DPP8: variants seen among roughly 807,000 people sequenced by gnomAD.
DPP8 encodes DPP VIII.
Under a neutral mutation model 107.5 loss-of-function variants are expected in DPP8, and 31 were observed. That is an observed-to-expected ratio of 0.29 (90% confidence interval 0.22 to 0.39). The LOEUF is 0.39. DPP8 is among the 10% of genes least tolerant of loss of function. DPP8 has a pLI of 1.00. For synonymous variants in DPP8, 381 were observed against 356.6 expected, an observed-to-expected ratio of 1.07 and a Z score of -0.77; for missense variants, 842 against 1,076.1, an observed-to-expected ratio of 0.78 and a Z score of 3.04.
intron 8 of DPP8, among the ~76,000 whole-genome samples, chr15:65,482,324 C>A (rs2140777471): frequency 6.6e-6 from 1 of 152,272 alleles, no homozygotes; most frequent in East Asian, 1.9e-4. Context: ...CTCTGTCACC[C>A]AGGCTGTAGT....
intron 10 of DPP8, among the ~76,000 whole-genome samples, chr15:65,479,660 A>C (rs529553748): frequency 1.3e-5 from 2 of 151,608 alleles, no homozygotes; most frequent in African/African-American, 2.4e-5. Context: ...CTGGCTAACA[A>C]GGTGAAACCC....
chr15:65,507,091 A>T (rs1009708806), intron 3 of DPP8, 152 bp downstream of exon 3: 5 of 449,528 alleles, frequency 1.1e-5, no homozygotes, highest in Non-Finnish European at 1.9e-5. Flanking sequence ...ATCAAGAATT[A>T]AATGGAATTT....
intron 12 of DPP8, 66 bp downstream of exon 12, chr15:65,474,143 T>G: frequency 7.8e-6 from 9 of 1,159,152 alleles, no homozygotes; most frequent in Non-Finnish European, 1.2e-5. Flanking sequence ...ATTACATTAC[T>G]CATTTTTAGC....
intron 12 of DPP8, among the ~76,000 whole-genome samples, chr15:65,469,762 G>A (rs563242450): frequency 9.2e-5 from 14 of 152,024 alleles, no homozygotes; most frequent in Admixed American, 8.5e-4. Flanking sequence ...CTTGAACTCA[G>A]GAGGCAGAGG....
chr15:65,498,102 A>G, intron 4 of DPP8, 70 bp from the exon 5 acceptor site: 1 of 1,152,460 alleles, frequency 8.7e-7, no homozygotes, highest in South Asian at 2.1e-5. Flanking sequence ...CCCTTCCTAT[A>G]AGATGAACAA....
At position 65,507,251 on chromosome 15, in the gene DPP8, G is replaced by T; in HGVS notation, c.364C>A (p.Leu122Ile). 6.3e-7 allele frequency: 1 copy of T among 1,590,668 alleles called. No individual in the cohort carries two copies. The highest frequency in any genetic ancestry group is 8.6e-7 in the Non-Finnish European group (1 of 1,163,610). The part of the protein sequence containing the change: ...LMLSWKPLLD[L>I]FQATLDYGMY... ...ACAACATTTAATCCTACCTGAAAAA[G>T]ATCCAAAAGAGGCTTCCAAGAGAGC... The change falls in exon 3 of 20, where the codon CTT (leucine) becomes ATT (isoleucine). Residue 122 changes from leucine (L) to isoleucine (I), a missense_variant. By Grantham distance (5) the Leu-to-Ile change is conservative. Around this residue, in one of 2 missense-constraint regions of DPP8, gnomAD observed 663 missense variants for 758.0 expected, o/e 0.87. Transcript: ENST00000300141.
chr15:65,454,420 C>A lies in DPP8; in HGVS notation c.2119-5G>T. The A allele has an allele frequency of 6.3e-7, 1 of 1,580,102 alleles. No individual in the cohort carries two copies. Among genetic ancestry groups the A allele is most frequent in the South Asian group, 1.2e-5 (1 of 83,666 alleles). On this transcript the variant is annotated splice_region_variant and splice_polypyrimidine_tract_variant and intron_variant, in intron 16 of 19. Transcript: ENST00000300141. ...ATCGTCAATTTCTATTTGACCCTGT[C>A]AAAAAAGGGAGAACATTTCACTGAT...
chr15:65,456,936 T>G (rs568283884), intron 15 of DPP8, among the ~76,000 whole-genome samples: 101 of 152,354 alleles, frequency 6.6e-4, no homozygotes, highest in Admixed American at 1.2e-3. Context: ...TACCGTTTTC[T>G]GTGTCTGGAA....
At chr15:65,491,073 G>A (rs2067980787) in intron 5 of DPP8, among the ~76,000 whole-genome samples, 1 of 148,540 alleles carries the variant, frequency 6.7e-6, no homozygotes, top group Non-Finnish European at 1.5e-5. Flanking sequence ...CAGGAGAATC[G>A]CTTGAACCCG....
chr15:65,497,081 G>T (rs568840910), intron 5 of DPP8, among the ~76,000 whole-genome samples: 1 of 151,958 alleles, frequency 6.6e-6, no homozygotes, highest in Admixed American at 6.6e-5. Flanking sequence ...GTAGAGACAG[G>T]GTTTCATCAC....
rs141767907 is a variant in DPP8 at position 65,481,745 on chromosome 15, A to C, written c.1018-130T>G. ...AGAGTTAGGTATTAAAAAGGAACAA[A>C]GGATATAGCAAATCTAGAAGTAAAT... On this transcript the variant is annotated intron_variant, in intron 8 of 19. Transcript: ENST00000300141. 568 of 530,288 alleles carry C rather than the reference A, an allele frequency of 1.1e-3. 3 individuals are homozygous for C. Among genetic ancestry groups the C allele is most frequent in the African/African-American group, 0.01 (513 of 49,696 alleles). The allele number at this position is 530,288 out of a possible 1,614,324, so 32.8% of individuals were successfully genotyped here.
chr15:65,470,502 G>A (rs1221826267), intron 12 of DPP8, among the ~76,000 whole-genome samples: 4 of 150,602 alleles, frequency 2.7e-5, no homozygotes, highest in Non-Finnish European at 5.9e-5. Context: ...GCTAGTCAGG[G>A]GGCTGAGGCA....
intron 3 of DPP8, among the ~76,000 whole-genome samples, chr15:65,505,988 T>C (rs565893679): frequency 2.1e-4 from 32 of 151,912 alleles, no homozygotes; most frequent in Non-Finnish European, 4.0e-4. Flanking sequence ...TAAAAGTTTT[T>C]TTTTTTTAAT....
In DPP8 at chr15:65,478,503, G is replaced by A. The variant is rs447277; in HGVS notation, c.1456+377C>T. Among the ~76,000 whole-genome samples, 918 of 152,210 alleles carry A rather than the reference G, an allele frequency of 6.0e-3. 9 individuals carry two copies. Among genetic ancestry groups the A allele is most frequent in the African/African-American group, 0.02 (812 of 41,530 alleles). ...TCAAACTCCTGACCTCAGGTGATCC[G>A]CCTGCCTTGGCCTCCCAAAGTGCTG... On this transcript the variant is annotated intron_variant, in intron 11 of 19. Coordinates refer to ENST00000300141, the MANE Select transcript of DPP8 (RefSeq NM_130434.5).
At chr15:65,498,913 T>C (rs1232836082) in intron 4 of DPP8, among the ~76,000 whole-genome samples, 1 of 151,698 alleles carries the variant, frequency 6.6e-6, no homozygotes, top group Non-Finnish European at 1.5e-5. Context: ...AAATTAGTAA[T>C]TGGGTGTGGT....
At chr15:65,473,147 C>T (rs1334676502) in intron 12 of DPP8, among the ~76,000 whole-genome samples, 1 of 151,416 alleles carries the variant, frequency 6.6e-6, no homozygotes, top group Non-Finnish European at 1.5e-5. Context: ...GCCAACATGA[C>T]GAAACCCTCT....
At chr15:65,454,980 C>G (rs918456260) in intron 16 of DPP8, among the ~76,000 whole-genome samples, 8 of 152,300 alleles carry the variant, frequency 5.3e-5, no homozygotes, top group Admixed American at 2.0e-4. Context: ...AAAGCTCCCT[C>G]CTACTGCTAC....
intron 8 of DPP8, among the ~76,000 whole-genome samples, chr15:65,483,444 C>G (rs998528878): frequency 6.6e-6 from 1 of 151,992 alleles, no homozygotes; most frequent in African/African-American, 2.4e-5. Context: ...ATCACTTGAG[C>G]CTGAGAGGCT....
chr15:65,473,786 T>C (rs1277689784), intron 12 of DPP8, among the ~76,000 whole-genome samples: 1 of 152,204 alleles, frequency 6.6e-6, no homozygotes, highest in Non-Finnish European at 1.5e-5. Flanking sequence ...TGAGTAATTT[T>C]AGGCCGTAAC....
Sources: allele counts gnomAD v4.1 joint callset (sites outside exome capture counted in the v4.1 genomes callset), GRCh38; gene constraint gnomAD v4.1.1; regional missense constraint gnomAD v4.1.1; transcripts MANE v1.5; gene names NCBI Gene and HGNC (gene_info 2026-07-23, HGNC 2026-07-21).